ABCA7: variants seen among roughly 807,000 people sequenced by gnomAD.
ABCA7 encodes the protein phospholipid-transporting ATPase ABCA7.
A neutral mutation model predicts 227.6 loss-of-function variants in ABCA7; 261 were observed. That is an observed-to-expected ratio of 1.15 (90% CI 1.04 to 1.27). The LOEUF (loss-of-function observed/expected upper bound fraction) is 1.27, where lower values mean the gene tolerates loss of function less well. Ranked by LOEUF, ABCA7 falls within the 50% of genes most tolerant of loss-of-function variation. The pLI is 0.00. For missense variants in ABCA7, 3,331 were observed against 2,924.5 expected (o/e 1.14, Z -3.21); for synonymous variants, 1,488 against 1,279.7 (o/e 1.16, Z -3.47).
chr19:1,054,190 C>A lies in ABCA7; in HGVS notation c.3578-3C>A. The A allele has an allele frequency of 6.2e-7, 1 of 1,609,898 alleles. No individual in the cohort carries two copies. Among genetic ancestry groups the A allele is most frequent in the South Asian group, 1.1e-5 (1 of 90,834 alleles). ...TGAGCACTGACCCTCTCATCCCTCA[C>A]AGCTGGGTCAGCCCCAGAGACTGAC... is the stretch of plus-strand genomic sequence containing the variant. On this transcript the variant is annotated splice_region_variant and splice_polypyrimidine_tract_variant and intron_variant, in intron 26 of 46. Coordinates refer to ENST00000263094, the MANE Select transcript of ABCA7 (RefSeq NM_019112.4). This position sits in a 1 kb window ranked among gnomAD's most constrained non-coding sequence, Gnocchi z 4.8.
intron 12 of ABCA7, 94 bp from the exon 13 acceptor site, chr19:1,046,136 G>A: frequency 7.0e-7 from 1 of 1,426,404 alleles, no homozygotes; most frequent in East Asian, 2.3e-5. Context: ...CTGGGCGACA[G>A]AGCAAGACCC....
chr19:1,046,272 G>A lies in ABCA7; in HGVS notation c.1488G>A (p.Leu496=), dbSNP rs771144558. ...CAGCCGCGGACCCCCTGACCGACCT[G>A]CGCTACGTGTGGGGCGGCTTCGTGT... ...PGPAADPLTD[L]RYVWGGFVYL... Residue 496 remains leucine, a synonymous_variant, in exon 13 of 47, where the codon CTG becomes CTA. Coordinates refer to ENST00000263094, the MANE Select transcript of ABCA7 (RefSeq NM_019112.4). 1 of 1,606,966 alleles carries A rather than the reference G, an allele frequency of 6.2e-7. No homozygotes were observed. Among genetic ancestry groups the A allele is most frequent in the South Asian group, 1.1e-5 (1 of 91,074 alleles).
intron 23 of ABCA7, among the ~76,000 whole-genome samples, chr19:1,052,500 G>T (rs111366797): frequency 7.2e-4 from 1 of 1,396 alleles, no homozygotes; most frequent in African/African-American, 4.3e-3. Flanking sequence ...GAGGGGGAGG[G>T]AGAGGAGGAG....
chr19:1,054,481 C>T lies in ABCA7; in HGVS notation c.3727-89C>T. On this transcript the variant is annotated intron_variant, in intron 27 of 46. Coordinates refer to ENST00000263094, the MANE Select transcript of ABCA7 (RefSeq NM_019112.4). The surrounding 1 kb of genome is among the most constrained non-coding windows in gnomAD (Gnocchi z 4.8). ...CACATTTATTGAGGGCACTGGGGAG[C>T]CATGGGTGGTTGTAGAGCAGGAGCA... 2.5e-6 allele frequency: 4 copies of T among 1,570,326 alleles called. No homozygotes were observed. Among genetic ancestry groups the T allele is most frequent in the Non-Finnish European group, 2.6e-6 (3 of 1,157,716 alleles).
chr19:1,048,504 A>AG (rs1287523587), intron 16 of ABCA7, among the ~76,000 whole-genome samples: 15 of 131,840 alleles, frequency 1.1e-4, no homozygotes, highest in African/African-American at 3.5e-4. Context: ...CTCAAAAAAA[A>AG]AAAAACAAAA....
At chr19:1,064,781 G>A (rs2042931020) in intron 45 of ABCA7, 150 bp from the exon 46 acceptor site, 2 of 1,286,530 alleles carry the variant, frequency 1.6e-6, no homozygotes, top group Non-Finnish European at 1.0e-6. Flanking sequence ...CGCGGGCGGG[G>A]GGTGGCGGGG....
intron 9 of ABCA7, 106 bp downstream of exon 9, chr19:1,043,579 T>C: frequency 6.3e-7 from 1 of 1,586,092 alleles, no homozygotes; most frequent in Non-Finnish European, 8.6e-7. Flanking sequence ...GGAAACTATT[T>C]GAAGAAGTAG....
rs372650208 is a variant in ABCA7, at chr19:1,053,780, C to T, written c.3424-8C>T. 6.2e-7 allele frequency: 1 copy of T among 1,609,996 alleles called. No individual in the cohort carries two copies. Among genetic ancestry groups the T allele is most frequent in the African/African-American group, 1.3e-5 (1 of 74,778 alleles). On this transcript the variant is annotated splice_region_variant and splice_polypyrimidine_tract_variant and intron_variant, in intron 24 of 46. Coordinates refer to ENST00000263094, the MANE Select transcript of ABCA7 (RefSeq NM_019112.4). ...GTCCAGTCTCTGAGCCCCTGCTTGT[C>T]TCCCCAGATCTTCCTGAAGGTGGTG...
chr19:1,043,213 GGC>G lies in ABCA7; in HGVS notation c.753_754del (p.Gln252GlyfsTer105). 1 of 1,608,326 alleles carries G rather than the reference GGC, an allele frequency of 6.2e-7. No individual in the cohort carries two copies. Among genetic ancestry groups the G allele is most frequent in the Non-Finnish European group, 8.5e-7 (1 of 1,176,220 alleles). ...GCTAGTGACCTGATGGAGCTGGTGG[GGC>G]AGGAGCCAGAATCCGCCCTGCCAGA... On this transcript the variant is annotated frameshift_variant, in exon 8 of 47. Coordinates refer to ENST00000263094, the MANE Select transcript of ABCA7 (RefSeq NM_019112.4). LOFTEE classifies it high-confidence loss of function.
chr19:1,054,880 T>G lies in ABCA7; in HGVS notation c.3950+2T>G. On this transcript the variant is annotated splice_donor_variant, in intron 29 of 46. Transcript: ENST00000263094. LOFTEE classifies it high-confidence loss of function. This position sits in a 1 kb window ranked among gnomAD's most constrained non-coding sequence, Gnocchi z 4.8. ...CCCAGTGCAGCATAGCTCCCACAGG[T>G]GAGGCGTCTTGTTGGCCTGGACCTT... 1 of 1,554,722 alleles carries G rather than the reference T, an allele frequency of 6.4e-7. No homozygotes were observed.
chr19:1,060,207 A>ATT (rs201967062), intron 40 of ABCA7, among the ~76,000 whole-genome samples: 13,394 of 96,898 alleles, frequency 0.14, 934 homozygotes, highest in African/African-American at 0.18. Flanking sequence ...ATATATATAT[A>ATT]TTTTTTTTTC....
rs760507293 is a variant in ABCA7, at chr19:1,051,039, G to A, written c.2671G>A (p.Val891Met). 25 of 1,611,472 alleles carry A rather than the reference G, an allele frequency of 1.6e-5. No homozygotes were observed. The highest frequency in any genetic ancestry group is 1.5e-4 in the South Asian group (14 of 90,996). Residue 891 changes from valine to methionine, a missense_variant, in exon 19 of 47, where the codon GTG (valine) becomes ATG (methionine). By Grantham distance (21) the Val-to-Met change is conservative. Coordinates refer to ENST00000263094, the MANE Select transcript of ABCA7 (RefSeq NM_019112.4). The part of the protein sequence containing the change: ...PHLGVCPQYN[V>M]LFDMLTVDEH... ...CCTGGGCGTCTGTCCTCAGTACAACGTGCTGTTTGACATGTGCGTCTCGGC... is the reference window on the plus strand; with the variant it reads ...CCTGGGCGTCTGTCCTCAGTACAACATGCTGTTTGACATGTGCGTCTCGGC...
chr19:1,052,056 G>T lies in ABCA7; in HGVS notation c.3077G>T (p.Arg1026Leu). 6.2e-7 allele frequency: 1 copy of T among 1,612,174 alleles called. No homozygotes were observed. The highest frequency in any genetic ancestry group is 8.5e-7 in the Non-Finnish European group (1 of 1,179,876). The change falls in exon 22 of 47, where the codon CGC (arginine) becomes CTC (leucine). Residue 1026 changes from arginine (R) to leucine (L), a missense_variant. By Grantham distance (102) the Arg-to-Leu change is moderately radical. Transcript: ENST00000263094. ...LCCCGSPLFL[R>L]RHLGSGYYLT... ...TGCTGTGGCTCCCCACTCTTCCTGC[G>T]CCGTCACCTGGGCTCCGGCTACTAC...
intron 13 of ABCA7, among the ~76,000 whole-genome samples, 170 bp downstream of exon 13, chr19:1,046,576 C>G (rs1199923943): frequency 1.4e-5 from 2 of 140,328 alleles, no homozygotes; most frequent in Admixed American, 6.9e-5. Context: ...CTCTGAGGGT[C>G]TGGTGGGGGG....
Position 1,065,172 on chromosome 19 carries a change from G to A in ABCA7, c.6285+1G>A, listed in dbSNP as rs1412015121. On this transcript the variant is annotated splice_donor_variant, in intron 46 of 46. Coordinates refer to ENST00000263094, the MANE Select transcript of ABCA7 (RefSeq NM_019112.4). LOFTEE classifies it high-confidence loss of function. Reference sequence around the variant, plus strand: ...CGTGAGCCAGACGATGCTGGAGGAGGTGATCACGGCGCCGGGGTCGGGCTG... The same window carrying A: ...CGTGAGCCAGACGATGCTGGAGGAGATGATCACGGCGCCGGGGTCGGGCTG... The A allele has an allele frequency of 3.1e-6, 5 of 1,594,570 alleles. No homozygotes were observed. The highest frequency in any genetic ancestry group is 4.3e-6 in the Non-Finnish European group (5 of 1,168,500).
At position 1,046,132 on chromosome 19, in the gene ABCA7, G is replaced by A. The variant is rs892510358; in HGVS notation, c.1446-98G>A. On this transcript the variant is annotated intron_variant, in intron 12 of 46. Transcript: ENST00000263094. ...TGCAGCTCTTCACTCCAGCCTGGGC[G>A]ACAGAGCAAGACCCTGTCTAAGAAA... 3.6e-6 allele frequency: 5 copies of A among 1,373,576 alleles called. No individual in the cohort carries two copies. In the African/African-American group the frequency reaches 4.3e-5, roughly 12 times the overall value. The allele number at this position is 1,373,576 out of a possible 1,614,324, so 85.1% of individuals were successfully genotyped here. A position where few individuals can be genotyped will look rare whatever the true frequency, so the allele number is the denominator to read the frequency against.
At chr19:1,059,577 T>C (rs1053123124) in intron 40 of ABCA7, among the ~76,000 whole-genome samples, 1 of 144,418 alleles carries the variant, frequency 6.9e-6, no homozygotes, top group African/African-American at 2.6e-5. Flanking sequence ...TTTTATCTTT[T>C]TTTAGAGACG....
At chr19:1,051,357 A>T in intron 20 of ABCA7, 63 bp downstream of exon 20, 1 of 1,494,032 alleles carries the variant, frequency 6.7e-7, no homozygotes, top group Non-Finnish European at 9.0e-7. Context: ...TCCTGAAGGC[A>T]GGGGGAAGCC....
At position 1,063,652 on chromosome 19, in the gene ABCA7, G is replaced by T; in HGVS notation, c.5821G>T (p.Val1941Phe). 1.9e-6 allele frequency: 3 copies of T among 1,609,300 alleles called. No homozygotes were observed. The highest frequency in any genetic ancestry group is 2.5e-6 in the Non-Finnish European group (3 of 1,178,984). The change falls in exon 43 of 47, where the codon GTT (valine) becomes TTT (phenylalanine). Residue 1941 changes from valine (V) to phenylalanine (F), a missense_variant. Physicochemically the swap from Val to Phe is conservative, Grantham distance 50. Transcript: ENST00000263094. ...CAAGCTGGCGACGGCCCTGGCGCTG[G>T]TTGGGGACCCAGCCGTGGTGTTTCT... is the stretch of plus-strand genomic sequence containing the variant. ...KRKLATALALVGDPAVVFLDE... is the reference protein window; with the variant it reads ...KRKLATALALFGDPAVVFLDE...
Sources: gnomAD v4.1 joint callset for allele counts (sites outside exome capture counted in the v4.1 genomes callset) on GRCh38, gnomAD v4.1.1 for gene constraint, Gnocchi (gnomAD v3.1) non-coding constraint, MANE v1.5 for transcripts, NCBI Gene and HGNC (gene_info 2026-07-23, HGNC 2026-07-21) for gene names.